Variants in SPATA22 observed in about 807,000 individuals in gnomAD.
SPATA22 encodes the protein spermatogenesis-associated protein 22.
In SPATA22, 29 loss-of-function variants were observed where a neutral mutation model predicts 47.8. That is an observed-to-expected ratio of 0.61 (90% CI 0.45 to 0.83). The LOEUF (loss-of-function observed/expected upper bound fraction) is 0.83, where lower values mean the gene tolerates loss of function less well. SPATA22 is among the 40% of genes least tolerant of loss of function. The pLI, the probability that SPATA22 is intolerant of heterozygous loss-of-function variation, is 0.00. For synonymous variants in SPATA22, 133 were observed against 140.9 expected (o/e 0.94, Z 0.40); for missense variants, 410 against 421.7 (o/e 0.97, Z 0.24).
At chr17:3,473,239 T>C (rs2073473852), upstream of SPATA22, among the ~76,000 whole-genome samples, 1 of 152,208 alleles carries the variant, frequency 6.6e-6, no homozygotes, top group African/African-American at 2.4e-5. Flanking sequence ...TGCTTATTTA[T>C]TTCCACCTGG....
intron 5 of SPATA22, among the ~76,000 whole-genome samples, chr17:3,450,759 T>TGGTAA (rs71153356): frequency 0.23 from 35,442 of 151,996 alleles, 4,357 homozygotes; most frequent in East Asian, 0.42. Context: ...AACTCTCTGT[T>TGGTAA]CAGCACATTT....
chr17:3,455,002 T>C (rs2072952492), intron 5 of SPATA22, among the ~76,000 whole-genome samples: 2 of 151,924 alleles, frequency 1.3e-5, no homozygotes, highest in Admixed American at 1.3e-4. Context: ...CTAACTGGTG[T>C]GAGATGGTAT....
intron 1 of SPATA22, among the ~76,000 whole-genome samples, chr17:3,505,544 AT>A (rs1238783926): frequency 6.6e-6 from 1 of 152,128 alleles, no homozygotes; most frequent in Non-Finnish European, 1.5e-5. Context: ...CAGTGCTCCA[AT>A]AGGAGGAGCA....
At chr17:3,483,748 T>C (rs1213496889) in intron 1 of SPATA22, among the ~76,000 whole-genome samples, 1 of 152,184 alleles carries the variant, frequency 6.6e-6, no homozygotes, top group Non-Finnish European at 1.5e-5. Flanking sequence ...CTGCAACCTC[T>C]ACCTCTCTGG....
At chr17:3,486,154 G>A (rs1434075694) in intron 1 of SPATA22, among the ~76,000 whole-genome samples, 8 of 152,040 alleles carry the variant, frequency 5.3e-5, no homozygotes, top group South Asian at 2.1e-4. Context: ...GGCTGGTTTC[G>A]AACTTCTGAC....
At position 3,490,150 on chromosome 17, in the gene SPATA22, A is replaced by G. The variant is rs1873061; in HGVS notation, c.-73-20752T>C. Among the ~76,000 whole-genome samples the G allele has an allele frequency of 0.78, 119,260 of 152,098 alleles. 47,688 individuals carry two copies. The highest frequency in any genetic ancestry group is 0.87 in the Non-Finnish European group (59,243 of 68,012). On this transcript the variant is annotated intron_variant, in intron 1 of 8. Transcript: ENST00000541913. This position sits in a 1 kb window ranked among gnomAD's most constrained non-coding sequence, Gnocchi z 4.6. ...AAAGTCCTAGAAGAAAACACACCAA[A>G]CTGATAACAATAGTTACCGGGGACG...
intron 1 of SPATA22, among the ~76,000 whole-genome samples, chr17:3,491,369 T>C (rs777302659): frequency 3.3e-5 from 5 of 152,052 alleles, no homozygotes; most frequent in Non-Finnish European, 7.4e-5. Context: ...AAATTCTGAG[T>C]CCGTAATCCA....
upstream of SPATA22, chr17:3,474,170 A>G (rs936948252): frequency 2.0e-4 from 30 of 152,220 alleles, no homozygotes; most frequent in African/African-American, 7.2e-4. Flanking sequence ...TACACAAAAA[A>G]CAAGGTAAGT....
At position 3,461,371 on chromosome 17, in the gene SPATA22, C is replaced by T. The variant is rs2073121974; in HGVS notation, c.329+1112G>A. ...TTAAATGTTCTGTACTCCTGGATTTCCTGTTGTATTCCAACAGTCTGACAG... is the reference window on the plus strand; with the variant it reads ...TTAAATGTTCTGTACTCCTGGATTTTCTGTTGTATTCCAACAGTCTGACAG... On this transcript the variant is annotated intron_variant, in intron 5 of 8. Coordinates refer to ENST00000572969, the MANE Select transcript of SPATA22 (RefSeq NM_001170698.2). 3.9e-5 allele frequency among the ~76,000 whole-genome samples: 6 copies of T among 152,164 alleles called. No individual in the cohort carries two copies. In the South Asian group the frequency reaches 1.0e-3, roughly 26 times the overall value.
chr17:3,505,718 T>C (rs1004577984), intron 1 of SPATA22, among the ~76,000 whole-genome samples: 24 of 151,606 alleles, frequency 1.6e-4, no homozygotes, highest in African/African-American at 5.8e-4. Flanking sequence ...TGGAGGGAAA[T>C]AGCTGCTTAG....
intron 5 of SPATA22, among the ~76,000 whole-genome samples, chr17:3,450,941 T>C (rs2072844882): frequency 6.6e-6 from 1 of 152,208 alleles, no homozygotes; most frequent in Non-Finnish European, 1.5e-5. Flanking sequence ...ACTACGAAAC[T>C]TTGACTTGTA....
intron 1 of SPATA22, chr17:3,502,719 C>T (rs552232147): frequency 6.6e-6 from 1 of 152,368 alleles, no homozygotes; most frequent in South Asian, 2.1e-4. Context: ...CAGAGAACCT[C>T]CTTCAGACAC....
chr17:3,450,973 T>C (rs955150280), intron 5 of SPATA22, among the ~76,000 whole-genome samples: 1 of 152,144 alleles, frequency 6.6e-6, no homozygotes, highest in African/African-American at 2.4e-5. Flanking sequence ...ATCTGTGAAG[T>C]GCAATAAAGC....
intron 1 of SPATA22, chr17:3,499,732 C>G (rs935995037): frequency 6.6e-6 from 1 of 152,220 alleles, no homozygotes; most frequent in African/African-American, 2.4e-5. Flanking sequence ...CTCTACTGAC[C>G]GGCCATTTCC....
intron 1 of SPATA22, among the ~76,000 whole-genome samples, chr17:3,482,857 G>C (rs552710255): frequency 6.7e-6 from 1 of 150,218 alleles, no homozygotes; most frequent in Non-Finnish European, 1.5e-5. Context: ...TGTTACATAT[G>C]TATACATGTG....
chr17:3,475,394 AGTT>A (rs897869392), upstream of SPATA22: 22 of 152,422 alleles, frequency 1.4e-4, no homozygotes, highest in African/African-American at 5.1e-4. Flanking sequence ...AAGTACTAAC[AGTT>A]GTCTTTCCTT....
intron 1 of SPATA22, chr17:3,494,379 G>A (rs2073875759): frequency 6.2e-7 from 1 of 1,612,352 alleles, no homozygotes; most frequent in African/African-American, 1.3e-5. Flanking sequence ...CGCCATTGAG[G>A]TCTATAAAAT....
At chr17:3,496,789 A>G (rs375595527) in intron 1 of SPATA22, among the ~76,000 whole-genome samples, 156 of 152,306 alleles carry the variant, frequency 1.0e-3, no homozygotes, top group Middle Eastern at 3.4e-3. Flanking sequence ...ATTCCTGGCC[A>G]GGAGCGGTGG....
chr17:3,501,169 AGAAAG>A (rs2073985752), intron 1 of SPATA22: 1 of 152,256 alleles, frequency 6.6e-6, no homozygotes, highest in African/African-American at 2.4e-5. Context: ...AAGAAAAAAA[AGAAAG>A]GAAGAAAAAA....
Sources: gnomAD v4.1 joint callset for allele counts (sites outside exome capture counted in the v4.1 genomes callset) on GRCh38, gnomAD v4.1.1 for gene constraint, Gnocchi (gnomAD v3.1) non-coding constraint, MANE v1.5 for transcripts, NCBI Gene and HGNC (gene_info 2026-07-23, HGNC 2026-07-21) for gene names.